The following DOCK2 variants were observed in gnomAD, a reference collection of about 807,000 sequenced individuals.
The protein encoded by DOCK2 is dedicator of cytokinesis protein 2.
Under a neutral mutation model 248.9 loss-of-function variants are expected in DOCK2, and 87 were observed. The observed-to-expected ratio is 0.35, with a 90% confidence interval of 0.29 to 0.42. DOCK2 has a LOEUF of 0.42. DOCK2 is among the 10% of genes least tolerant of loss of function. The probability of loss-of-function intolerance (pLI) is 1.00; values close to 1 mark genes in which losing one functional copy is unlikely to be tolerated. For synonymous variants in DOCK2, 805 were observed against 821.6 expected, an observed-to-expected ratio of 0.98 and a Z score of 0.35; for missense variants, 1,747 against 2,300.2, an observed-to-expected ratio of 0.76 and a Z score of 4.92.
intron 2 of DOCK2, among the ~76,000 whole-genome samples, chr5:169,657,150 T>C (rs1758167889): frequency 6.6e-6 from 1 of 152,186 alleles, no homozygotes; most frequent in South Asian, 2.1e-4. Context: ...CATACACTCA[T>C]GGCCATGCAG....
At chr5:170,010,247 AT>A (rs1375443175) in intron 32 of DOCK2, among the ~76,000 whole-genome samples, 1 of 152,182 alleles carries the variant, frequency 6.6e-6, no homozygotes, top group Non-Finnish European at 1.5e-5. Context: ...ATTGCCAAAT[AT>A]CCCCTGGGAG....
intron 25 of DOCK2, among the ~76,000 whole-genome samples, chr5:169,784,759 C>T (rs1008771485): frequency 1.3e-5 from 2 of 152,202 alleles, no homozygotes; most frequent in East Asian, 3.9e-4. Flanking sequence ...TGATATCTTC[C>T]ATTTATGGCA....
chr5:169,800,868 G>T (rs1255174602), intron 25 of DOCK2, among the ~76,000 whole-genome samples: 1 of 151,892 alleles, frequency 6.6e-6, no homozygotes, highest in Admixed American at 6.6e-5. Flanking sequence ...GCCTCCTTGG[G>T]GCACTTCTGG....
intron 26 of DOCK2, among the ~76,000 whole-genome samples, chr5:169,817,011 C>G (rs1398773612): frequency 6.6e-6 from 1 of 152,118 alleles, no homozygotes; most frequent in Non-Finnish European, 1.5e-5. Flanking sequence ...ACCCACAGTC[C>G]CACTCGTTCC....
chr5:169,821,377 CG>C (rs1768428204), intron 26 of DOCK2, among the ~76,000 whole-genome samples: 1 of 152,150 alleles, frequency 6.6e-6, no homozygotes, highest in Non-Finnish European at 1.5e-5. Context: ...AGAGAAAGGT[CG>C]GGTTACCCAC....
rs756219304 is a variant in DOCK2, at chr5:170,080,169, A to G, written c.5173A>G (p.Arg1725Gly). ...AAESDLKRLS[R>G]KHEFMSDTNL... ...GTCTGGTGTATTCCTCCAGCTTTCC[A>G]GGAAGCATGAGTTCATGAGTGACAC... The change falls in exon 50 of 52, where the codon AGG becomes GGG. Residue 1725 changes from arginine (R) to glycine (G), a missense_variant. Coordinates refer to ENST00000520908, the MANE Select transcript of DOCK2 (RefSeq NM_004946.3). 1 of 1,613,962 alleles carries G rather than the reference A, an allele frequency of 6.2e-7. No individual in the cohort carries two copies. Among genetic ancestry groups the G allele is most frequent in the Non-Finnish European group, 8.5e-7 (1 of 1,179,940 alleles).
At chr5:169,883,527 C>T in intron 27 of DOCK2, 2 of 1,551,592 alleles carry the variant, frequency 1.3e-6, no homozygotes, top group South Asian at 1.2e-5. Context: ...AGGCTGTTGG[C>T]ATTTCCACCA....
At chr5:169,696,889 T>G (rs1362341550) in intron 10 of DOCK2, among the ~76,000 whole-genome samples, 34 of 152,200 alleles carry the variant, frequency 2.2e-4, no homozygotes, top group Non-Finnish European at 1.5e-5. Flanking sequence ...GGCAAGCATT[T>G]TCCCCAGAGC....
At chr5:169,946,255 CA>C (rs1776444084) in intron 27 of DOCK2, among the ~76,000 whole-genome samples, 1 of 152,198 alleles carries the variant, frequency 6.6e-6, no homozygotes, top group Non-Finnish European at 1.5e-5. Flanking sequence ...GTGAAGAAAG[CA>C]GTGTTCCAGC....
At chr5:169,650,921 C>CG (rs1302325782) in intron 1 of DOCK2, among the ~76,000 whole-genome samples, 2 of 152,220 alleles carry the variant, frequency 1.3e-5, no homozygotes, top group Non-Finnish European at 2.9e-5. Flanking sequence ...CGGGAATGGC[C>CG]GAGGGCCTGA....
chr5:169,874,593 G>A (rs1772204843), intron 27 of DOCK2, among the ~76,000 whole-genome samples: 1 of 152,096 alleles, frequency 6.6e-6, no homozygotes, highest in African/African-American at 2.4e-5. Context: ...GTCAGCATTT[G>A]GACACCCACC....
intron 27 of DOCK2, among the ~76,000 whole-genome samples, chr5:169,928,748 A>G (rs770827421): frequency 1.1e-4 from 16 of 152,378 alleles, no homozygotes; most frequent in Admixed American, 3.9e-4. Flanking sequence ...ACAGTTATAC[A>G]GGAATGAGTG....
chr5:169,980,310 C>T (rs1033191729), intron 27 of DOCK2: 3 of 152,204 alleles, frequency 2.0e-5, no homozygotes, highest in Non-Finnish European at 4.4e-5. Flanking sequence ...AGAGGATGGT[C>T]CCCCTTCCTT....
intron 14 of DOCK2, among the ~76,000 whole-genome samples, chr5:169,704,309 T>C (rs538050192): frequency 7.6e-4 from 116 of 152,334 alleles, no homozygotes; most frequent in Non-Finnish European, 1.3e-3. Context: ...TGGGCTCCTG[T>C]GGAAATGGTC....
rs950072965 is a variant in DOCK2 at position 170,040,939 on chromosome 5, G to A, written c.3666-116G>A. 4.5e-5 allele frequency: 35 copies of A among 784,044 alleles called. 2 individuals are homozygous for A. Among genetic ancestry groups the A allele is most frequent in the African/African-American group, 2.4e-4 (6 of 25,482 alleles). 48.6% of individuals were successfully genotyped at this position (784,044 alleles called of 1,614,324 possible). A position where few individuals can be genotyped will look rare whatever the true frequency, so the allele number is the denominator to read the frequency against. ...CAAAGTTCTGGTTATCCAGGGAGGA[G>A]GACTTTCTTGCGACCCAGAGAGGTG... On this transcript the variant is annotated intron_variant, in intron 36 of 51. Transcript: ENST00000520908.
At chr5:170,034,068 T>C (rs1235751580) in intron 34 of DOCK2, among the ~76,000 whole-genome samples, 1 of 152,242 alleles carries the variant, frequency 6.6e-6, no homozygotes, top group East Asian at 1.9e-4. Flanking sequence ...AGAGGATATG[T>C]GCATTTACAA....
chr5:169,642,833 T>G (rs796207914), intron 1 of DOCK2, among the ~76,000 whole-genome samples: 14 of 152,322 alleles, frequency 9.2e-5, no homozygotes, highest in African/African-American at 3.4e-4. Context: ...GAAGACAGAT[T>G]GTGTTTTCTA....
intron 27 of DOCK2, chr5:169,881,308 T>C (rs757468173): frequency 7.3e-6 from 10 of 1,370,986 alleles, no homozygotes; most frequent in Non-Finnish European, 1.0e-5. Context: ...TTTGCTAGAG[T>C]GTTCAGCGGA....
intron 22 of DOCK2, among the ~76,000 whole-genome samples, chr5:169,746,588 G>A (rs1405389878): frequency 3.9e-5 from 6 of 152,156 alleles, no homozygotes; most frequent in Admixed American, 6.5e-5. Context: ...GATATTTCAC[G>A]GTTGGTGATA....
Sources: allele counts gnomAD v4.1 joint callset (sites outside exome capture counted in the v4.1 genomes callset), GRCh38; gene constraint gnomAD v4.1.1; transcripts MANE v1.5; gene names NCBI Gene and HGNC (gene_info 2026-07-23, HGNC 2026-07-21).